SYT17: variants seen among roughly 807,000 people sequenced by gnomAD.
SYT17 encodes the protein synaptotagmin 17.
In SYT17, 22 loss-of-function variants were observed where a neutral mutation model predicts 46.7. That is an observed-to-expected ratio of 0.47 (90% CI 0.34 to 0.67). SYT17 has a LOEUF of 0.67. SYT17 is among the 30% of genes least tolerant of loss of function. The probability of loss-of-function intolerance (pLI) is 0.01; values close to 1 mark genes in which losing one functional copy is unlikely to be tolerated. For synonymous variants in SYT17, 251 were observed against 248.4 expected, an observed-to-expected ratio of 1.01 and a Z score of -0.10; for missense variants, 519 against 612.8, an observed-to-expected ratio of 0.85 and a Z score of 1.62.
At chr16:19,236,078 C>T (rs965370860) in intron 7 of SYT17, among the ~76,000 whole-genome samples, 1 of 152,174 alleles carries the variant, frequency 6.6e-6, no homozygotes, top group Admixed American at 6.5e-5. Context: ...CCCCTGAGTT[C>T]CTTACCAGAT....
At chr16:19,224,003 A>G (rs1392760901) in intron 6 of SYT17, among the ~76,000 whole-genome samples, 1 of 152,242 alleles carries the variant, frequency 6.6e-6, no homozygotes, top group African/African-American at 2.4e-5. Flanking sequence ...CTCAATCTCA[A>G]AAACTGACAT....
intron 1 of SYT17, chr16:19,171,215 A>G (rs189798089): frequency 2.1e-4 from 32 of 153,072 alleles, no homozygotes; most frequent in African/African-American, 7.5e-4. Context: ...GCCTTTGACT[A>G]TTTCCCAAGC....
chr16:19,266,120 T>G (rs934299189), intron 7 of SYT17, among the ~76,000 whole-genome samples: 2 of 152,204 alleles, frequency 1.3e-5, no homozygotes, highest in Admixed American at 1.3e-4. Flanking sequence ...AATTCCTGTT[T>G]AACTAATAAA....
chr16:19,182,577 G>C (rs911168654), intron 4 of SYT17, among the ~76,000 whole-genome samples: 1 of 152,170 alleles, frequency 6.6e-6, no homozygotes, highest in African/African-American at 2.4e-5. Flanking sequence ...CTCATGCCCA[G>C]CTCTGAACAC....
chr16:19,219,013 C>A (rs377178606), intron 5 of SYT17, among the ~76,000 whole-genome samples: 3 of 152,206 alleles, frequency 2.0e-5, no homozygotes, highest in African/African-American at 7.2e-5. Context: ...GCAGCTCCCA[C>A]GCGAACCCCA....
chr16:19,264,884 G>T (rs370006582), intron 7 of SYT17, among the ~76,000 whole-genome samples: 1 of 152,002 alleles, frequency 6.6e-6, no homozygotes, highest in African/African-American at 2.4e-5. Context: ...GCGAGCCACC[G>T]TGCCCAGTCA....
chr16:19,242,703 T>G (rs550741765), intron 7 of SYT17, among the ~76,000 whole-genome samples: 5 of 151,962 alleles, frequency 3.3e-5, no homozygotes, highest in Admixed American at 2.0e-4. Context: ...TTTTTGTACT[T>G]TTTTTTGTAG....
intron 7 of SYT17, among the ~76,000 whole-genome samples, chr16:19,239,883 GCA>G (rs1381602289): frequency 6.6e-6 from 1 of 152,244 alleles, no homozygotes; most frequent in Non-Finnish European, 1.5e-5. Flanking sequence ...CAGCCACTGT[GCA>G]CAGTCAGGCA....
intron 7 of SYT17, among the ~76,000 whole-genome samples, chr16:19,245,039 C>T (rs755118172): frequency 7.9e-5 from 12 of 152,294 alleles, no homozygotes; most frequent in South Asian, 4.2e-4. Context: ...GCTTGCTCCA[C>T]GACCTCCCTG....
intron 7 of SYT17, among the ~76,000 whole-genome samples, chr16:19,242,723 T>G (rs941939273): frequency 7.9e-5 from 12 of 151,868 alleles, no homozygotes; most frequent in African/African-American, 2.9e-4. Context: ...GAGATGGGGT[T>G]TCGCCATGTT....
chr16:19,265,138 T>C (rs965638498), intron 7 of SYT17, among the ~76,000 whole-genome samples: 1 of 152,242 alleles, frequency 6.6e-6, no homozygotes, highest in African/African-American at 2.4e-5. Flanking sequence ...AACCTTACAC[T>C]GCCCACTAAG....
intron 5 of SYT17, among the ~76,000 whole-genome samples, chr16:19,192,667 G>A (rs527287350): frequency 6.6e-6 from 1 of 152,332 alleles, no homozygotes; most frequent in East Asian, 1.9e-4. Context: ...GGTGAGAGGT[G>A]GTGATGATCT....
chr16:19,245,221 C>T (rs1024261660), intron 7 of SYT17, among the ~76,000 whole-genome samples: 11 of 152,234 alleles, frequency 7.2e-5, no homozygotes, highest in Admixed American at 2.0e-4. Context: ...GACATTGTCT[C>T]CCTAGAGGAC....
intron 7 of SYT17, among the ~76,000 whole-genome samples, chr16:19,260,959 A>G (rs1968934219): frequency 6.6e-6 from 1 of 152,132 alleles, no homozygotes; most frequent in Non-Finnish European, 1.5e-5. Flanking sequence ...GGGCTGGGTT[A>G]TCTGACCCAC....
At chr16:19,255,881 A>G (rs1968525107) in intron 7 of SYT17, among the ~76,000 whole-genome samples, 1 of 152,174 alleles carries the variant, frequency 6.6e-6, no homozygotes, top group Admixed American at 6.5e-5. Flanking sequence ...CAAGAAATTC[A>G]TGGAGTGAGG....
chr16:19,197,589 C>T (rs1164136523), intron 5 of SYT17, among the ~76,000 whole-genome samples: 1 of 152,100 alleles, frequency 6.6e-6, no homozygotes, highest in Non-Finnish European at 1.5e-5. Flanking sequence ...GCTGGGACCA[C>T]AGTCGTGAGC....
In SYT17 at chr16:19,267,208, CACACAGAT is replaced by C; in HGVS notation, c.*135_*142del. 1 of 787,494 alleles carries C rather than the reference CACACAGAT, an allele frequency of 1.3e-6. No homozygotes were observed. The highest frequency in any genetic ancestry group is 1.9e-6 in the Non-Finnish European group (1 of 518,666). 48.8% of individuals were successfully genotyped at this position (787,494 alleles called of 1,614,324 possible). On this transcript the variant is annotated 3_prime_UTR_variant, in exon 8 of 8. Transcript: ENST00000355377. ...GTCTACACACGTCCACACACACAGACACACAGATACCCCAAATCCTCTCAGAACTGAGA... is the reference window on the plus strand; with the variant it reads ...GTCTACACACGTCCACACACACAGACACCCCAAATCCTCTCAGAACTGAGA...
At position 19,252,426 on chromosome 16, in the gene SYT17, T is replaced by C. The variant is rs185191095; in HGVS notation, c.1229-14454T>C. 6.9e-4 allele frequency among the ~76,000 whole-genome samples: 19 copies of C among 27,506 alleles called. 7 individuals carry two copies. The highest frequency in any genetic ancestry group is 2.1e-3 in the Admixed American group (4 of 1,926). The allele number at this position is 27,506 out of a possible 152,430, so 18.0% of individuals were successfully genotyped here. A position where few individuals can be genotyped will look rare whatever the true frequency, so the allele number is the denominator to read the frequency against. On this transcript the variant is annotated intron_variant, in intron 7 of 7. Transcript: ENST00000355377. ...ATACATATATATATACATATATATA[T>C]ACATATATATACATATATATACACA...
intron 2 of SYT17, 107 bp from the exon 3 acceptor site, chr16:19,173,323 A>G: frequency 2.8e-6 from 2 of 707,214 alleles, no homozygotes; most frequent in Non-Finnish European, 4.6e-6. Context: ...TTCTCATCCG[A>G]GATCGGCTGC....
Sources: gnomAD v4.1 joint callset for allele counts (sites outside exome capture counted in the v4.1 genomes callset) on GRCh38, gnomAD v4.1.1 for gene constraint, MANE v1.5 for transcripts, NCBI Gene and HGNC (gene_info 2026-07-23, HGNC 2026-07-21) for gene names.